Variants in DPY19L4 observed in about 807,000 individuals in gnomAD.
DPY19L4 encodes the protein probable C-mannosyltransferase DPY19L4.
A neutral mutation model predicts 102.8 loss-of-function variants in DPY19L4; 97 were observed. The ratio of observed to expected loss-of-function variants is 0.94; its 90% CI spans 0.80 to 1.12. The LOEUF is 1.12. Ranked by LOEUF, DPY19L4 falls within the 50% of genes most tolerant of loss-of-function variation. The pLI, the probability that DPY19L4 is intolerant of heterozygous loss-of-function variation, is 0.00. For missense variants in DPY19L4, 815 were observed against 850.4 expected (o/e 0.96, Z 0.52); for synonymous variants, 252 against 283.1 (o/e 0.89, Z 1.10).
At chr8:94,720,720 A>G (rs895852536) in intron 1 of DPY19L4, among the ~76,000 whole-genome samples, 5 of 152,224 alleles carry the variant, frequency 3.3e-5, no homozygotes, top group Non-Finnish European at 7.3e-5. Flanking sequence ...TTATTTATAG[A>G]AAATGATAAG....
At chr8:94,757,696 C>T (rs1812221436) in intron 7 of DPY19L4, among the ~76,000 whole-genome samples, 1 of 152,156 alleles carries the variant, frequency 6.6e-6, no homozygotes, top group Non-Finnish European at 1.5e-5. Context: ...AGCCGTGAGC[C>T]ACTGCGCCTG....
At chr8:94,780,288 C>A in intron 14 of DPY19L4, 71 bp from the exon 15 acceptor site, 4 of 1,159,190 alleles carry the variant, frequency 3.5e-6, no homozygotes, top group Non-Finnish European at 4.6e-6. Context: ...GTCATAGAAT[C>A]AGTGTCTATT....
chr8:94,725,291 C>T (rs1297092280), intron 1 of DPY19L4, among the ~76,000 whole-genome samples: 3 of 152,208 alleles, frequency 2.0e-5, no homozygotes, highest in Non-Finnish European at 4.4e-5. Context: ...CAGGAACACT[C>T]TGTACTTACA....
intron 3 of DPY19L4, among the ~76,000 whole-genome samples, chr8:94,737,544 G>A (rs551498360): frequency 1.0e-3 from 153 of 152,140 alleles, no homozygotes; most frequent in Middle Eastern, 3.4e-3. Context: ...AACACTTTAG[G>A]AGGCCGAGGT....
intron 11 of DPY19L4, 125 bp from the exon 12 acceptor site, chr8:94,768,270 C>A: frequency 2.9e-6 from 2 of 691,174 alleles, no homozygotes; most frequent in Non-Finnish European, 4.7e-6. Flanking sequence ...TAGTACCTTG[C>A]TAATATAAGT....
intron 13 of DPY19L4, among the ~76,000 whole-genome samples, chr8:94,775,158 C>G (rs1490051118): frequency 6.6e-6 from 1 of 151,542 alleles, no homozygotes; most frequent in Non-Finnish European, 1.5e-5. Context: ...GCCCCTAGAT[C>G]AGCTGCAAAC....
chr8:94,761,157 A>C (rs1019295870), intron 7 of DPY19L4, among the ~76,000 whole-genome samples: 3 of 152,202 alleles, frequency 2.0e-5, no homozygotes, highest in African/African-American at 4.8e-5. Context: ...GTATAAAGTC[A>C]TTAACTTGCT....
At chr8:94,777,918 C>A in intron 14 of DPY19L4, 132 bp downstream of exon 14, 1 of 1,137,034 alleles carries the variant, frequency 8.8e-7, no homozygotes. Flanking sequence ...AAAACAGATC[C>A]TGCGCAAAAC....
At chr8:94,751,276 G>A (rs1011360539) in intron 6 of DPY19L4, among the ~76,000 whole-genome samples, 12 of 151,082 alleles carry the variant, frequency 7.9e-5, no homozygotes, top group African/African-American at 1.9e-4. Flanking sequence ...CCGCCACCGC[G>A]CCTGGCTATT....
At chr8:94,784,067 G>A (rs575539248) in intron 17 of DPY19L4, among the ~76,000 whole-genome samples, 4 of 152,312 alleles carry the variant, frequency 2.6e-5, no homozygotes, top group South Asian at 2.1e-4. Context: ...AAAGTATCAA[G>A]GGACCTAATG....
chr8:94,783,633 G>A (rs1813527134), intron 16 of DPY19L4, 37 bp from the exon 17 acceptor site: 1 of 1,607,610 alleles, frequency 6.2e-7, no homozygotes, highest in Non-Finnish European at 8.5e-7. Context: ...TAGTATACTT[G>A]CCTTTTCAGT....
intron 14 of DPY19L4, among the ~76,000 whole-genome samples, chr8:94,779,357 G>C (rs1352424679): frequency 6.6e-6 from 1 of 150,470 alleles, no homozygotes; most frequent in Non-Finnish European, 1.5e-5. Context: ...GAGTCTTACG[G>C]TGTCTCCCAG....
chr8:94,734,507 C>G, intron 2 of DPY19L4, 123 bp from the exon 3 acceptor site: 1 of 966,746 alleles, frequency 1.0e-6, no homozygotes, highest in South Asian at 1.8e-5. Context: ...TGATGCTTTT[C>G]TCACAATTAG....
At chr8:94,730,709 C>G (rs1189898032) in intron 2 of DPY19L4, among the ~76,000 whole-genome samples, 1 of 148,156 alleles carries the variant, frequency 6.7e-6, no homozygotes, top group Admixed American at 6.7e-5. Flanking sequence ...CACGCCATTG[C>G]ACTCCAGCCT....
chr8:94,735,526 A>G (rs1811154092), intron 3 of DPY19L4, among the ~76,000 whole-genome samples: 1 of 152,198 alleles, frequency 6.6e-6, no homozygotes, highest in African/African-American at 2.4e-5. Flanking sequence ...TGGATATATG[A>G]TAGAATCATC....
chr8:94,740,457 T>G (rs188395890), intron 6 of DPY19L4, among the ~76,000 whole-genome samples: 1 of 152,190 alleles, frequency 6.6e-6, no homozygotes. Flanking sequence ...GTTTTGTTTT[T>G]GTTTTTCATT....
chr8:94,725,831 C>T (rs1262966456), intron 1 of DPY19L4, among the ~76,000 whole-genome samples: 1 of 151,950 alleles, frequency 6.6e-6, no homozygotes, highest in East Asian at 1.9e-4. Flanking sequence ...TTAGTAGAGA[C>T]AGGGTTTCAC....
chr8:94,727,968 T>G (rs1182947249), intron 2 of DPY19L4, among the ~76,000 whole-genome samples: 1 of 151,690 alleles, frequency 6.6e-6, no homozygotes, highest in Non-Finnish European at 1.5e-5. Context: ...TTTCTTTTTC[T>G]TTTTTTTTCT....
chr8:94,765,459 C>T (rs2130888222), intron 9 of DPY19L4, 145 bp downstream of exon 9: 2 of 793,214 alleles, frequency 2.5e-6, no homozygotes, highest in South Asian at 3.6e-5. Context: ...CCTCAGCCTC[C>T]CAAGTAGCTG....
Sources: gnomAD v4.1 joint callset for allele counts (sites outside exome capture counted in the v4.1 genomes callset) on GRCh38, gnomAD v4.1.1 for gene constraint, MANE v1.5 for transcripts, NCBI Gene and HGNC (gene_info 2026-07-23, HGNC 2026-07-21) for gene names.